Variants in VWDE observed in about 807,000 individuals in gnomAD.
VWDE encodes the protein von Willebrand factor D and EGF domains.
In VWDE, 207 loss-of-function variants were observed where a neutral mutation model predicts 178.4. The observed-to-expected ratio is 1.16, with a 90% CI of 1.04 to 1.30. The LOEUF is 1.30. Ranked by LOEUF, VWDE falls within the 50% of genes most tolerant of loss-of-function variation. VWDE has a pLI of 0.00. For synonymous variants in VWDE, 738 were observed against 651.4 expected (o/e 1.13, Z -2.02); for missense variants, 2,287 against 1,901.3 (o/e 1.20, Z -3.77).
In VWDE at chr7:12,361,160, G is replaced by T; in HGVS notation, c.3146C>A (p.Ser1049Ter). The T allele has an allele frequency of 6.5e-7, 1 of 1,530,542 alleles. No homozygotes were observed. The highest frequency in any genetic ancestry group is 1.2e-5 in the South Asian group (1 of 82,822). The allele number at this position is 1,530,542 out of a possible 1,614,324, so 94.8% of individuals were successfully genotyped here. ...AAAAATACATACCTTTATAGTACAT[G>T]AGTCATTTTTATAGAGACCACAAAC... ...CQVCGLYKND[S>*]CTIKENVCII... is the part of the protein sequence containing the mutation. Residue 1049 changes from serine to a stop codon, truncating the protein, a stop_gained, in exon 15 of 29, where the codon TCA becomes TAA. Coordinates refer to ENST00000275358, the MANE Select transcript of VWDE (RefSeq NM_001135924.3). LOFTEE classifies it high-confidence loss of function.
At chr7:12,333,785 T>C (rs1180194912) in intron 27 of VWDE, 1 of 370,684 alleles carries the variant, frequency 2.7e-6, no homozygotes, top group Non-Finnish European at 4.8e-6. Context: ...AAACAACACT[T>C]TTGGAATTCT....
At chr7:12,365,343 G>A (rs1265411889) in intron 13 of VWDE, among the ~76,000 whole-genome samples, 1 of 152,040 alleles carries the variant, frequency 6.6e-6, no homozygotes, top group Non-Finnish European at 1.5e-5. Flanking sequence ...AACTTTATGA[G>A]AAACTGGGTG....
At chr7:12,385,343 C>T (rs996063600) in intron 3 of VWDE, among the ~76,000 whole-genome samples, 9 of 152,138 alleles carry the variant, frequency 5.9e-5, no homozygotes, top group African/African-American at 1.9e-4. Flanking sequence ...TAAAAAATGA[C>T]ATTTCACAGA....
At chr7:12,402,700 A>G (rs903752649) in intron 1 of VWDE, among the ~76,000 whole-genome samples, 3 of 152,220 alleles carry the variant, frequency 2.0e-5, no homozygotes, top group African/African-American at 7.2e-5. Flanking sequence ...AGGACCAGAA[A>G]AAATATCATT....
intron 3 of VWDE, among the ~76,000 whole-genome samples, chr7:12,386,446 T>A (rs1550391): frequency 0.013 from 2,009 of 152,266 alleles, 54 homozygotes; most frequent in African/African-American, 0.044. Flanking sequence ...AGACTTCTCA[T>A]TGCACACAGA....
intron 13 of VWDE, among the ~76,000 whole-genome samples, chr7:12,362,452 A>G (rs544498865): frequency 2.0e-5 from 3 of 152,244 alleles, no homozygotes; most frequent in Middle Eastern, 3.4e-3. Context: ...GTGACACATT[A>G]TGCTTAAGCT....
chr7:12,389,220 G>C lies in VWDE; in HGVS notation c.382C>G (p.Leu128Val), dbSNP rs980282034. The C allele has an allele frequency of 1.4e-5, 21 of 1,551,750 alleles. No homozygotes were observed. The highest frequency in any genetic ancestry group is 3.3e-4 in the Middle Eastern group (2 of 5,994). The change falls in exon 3 of 29, where the codon CTC becomes GTC. Residue 128 changes from leucine (L) to valine (V), a missense_variant. Leu to Val is a conservative substitution (Grantham distance 32, BLOSUM62 1). Transcript: ENST00000275358. ...FLFSTTKDCC[L>V]FQIPVSVRNC... Reference sequence around the variant, plus strand: ...CTTACAGACACTGGGATTTGAAAGAGACAGCAGTCTTTTGTAGTGCTGAAC... The same window carrying C: ...CTTACAGACACTGGGATTTGAAAGACACAGCAGTCTTTTGTAGTGCTGAAC...
At chr7:12,363,929 T>C (rs1306277009) in intron 13 of VWDE, among the ~76,000 whole-genome samples, 1 of 152,090 alleles carries the variant, frequency 6.6e-6, no homozygotes, top group African/African-American at 2.4e-5. Flanking sequence ...TAACTCACTT[T>C]GGAAAGCAGT....
At chr7:12,390,518 A>G (rs1784337464) in intron 2 of VWDE, among the ~76,000 whole-genome samples, 2 of 151,852 alleles carry the variant, frequency 1.3e-5, no homozygotes. Context: ...GGAAAAACAT[A>G]AAGGAAATAT....
At chr7:12,375,623 C>A (rs982771054) in intron 7 of VWDE, among the ~76,000 whole-genome samples, 2 of 151,880 alleles carry the variant, frequency 1.3e-5, no homozygotes, top group African/African-American at 4.8e-5. Flanking sequence ...GGCCCAGATA[C>A]TTCTGTAATA....
intron 28 of VWDE, 76 bp from the exon 29 acceptor site, chr7:12,331,273 T>C: frequency 7.9e-7 from 1 of 1,259,990 alleles, no homozygotes; most frequent in Non-Finnish European, 1.1e-6. Context: ...ATTTGTTGCC[T>C]CCTTCCCTCT....
rs745863864 is a variant in VWDE at position 12,344,197 on chromosome 7, T to G, written c.4076A>C (p.Glu1359Ala). The change falls in exon 21 of 29, where the codon GAA becomes GCA. Residue 1359 changes from glutamate (E) to alanine (A), a missense_variant and splice_region_variant. Glu to Ala is a moderately radical substitution (Grantham distance 107). Coordinates refer to ENST00000275358, the MANE Select transcript of VWDE (RefSeq NM_001135924.3). ...TGATTTTTAATTTGAATTATCACCTTCATCACAGGTTGCTCCACCATGTCC... is the reference window on the plus strand; with the variant it reads ...TGATTTTTAATTTGAATTATCACCTGCATCACAGGTTGCTCCACCATGTCC... Reference protein sequence around the residue: ...LPGHGGATCDEEHCNPPCQHG... With the variant: ...LPGHGGATCDAEHCNPPCQHG... The G allele has an allele frequency of 7.7e-6, 12 of 1,550,486 alleles. No individual in the cohort carries two copies. Among genetic ancestry groups the G allele is most frequent in the Non-Finnish European group, 1.0e-5 (12 of 1,146,214 alleles).
chr7:12,397,776 G>A (rs1275354995), intron 1 of VWDE, among the ~76,000 whole-genome samples: 3 of 152,084 alleles, frequency 2.0e-5, no homozygotes, highest in East Asian at 1.9e-4. Context: ...CCTCTCAAAA[G>A]ATGACATACA....
rs1226691145 is a variant in VWDE at position 12,370,024 on chromosome 7, A to T, written c.2282T>A (p.Leu761Ter). The change falls in exon 12 of 29, where the codon TTG becomes TAG. Residue 761 changes from leucine (L) to a stop codon, truncating the protein, a stop_gained. Coordinates refer to ENST00000275358, the MANE Select transcript of VWDE (RefSeq NM_001135924.3). LOFTEE classifies it high-confidence loss of function. The stretch of plus-strand genomic sequence containing the variant: ...TTGGCTGAGACTCGGGAAAGCAAAC[A>T]AAGGAGGAAACTCATGAAAGTTCTG... ...KRQNFHEFPP[L>*]FAFPSLSQTD... 2 of 1,551,544 alleles carry T rather than the reference A, an allele frequency of 1.3e-6. No homozygotes were observed. Among genetic ancestry groups the T allele is most frequent in the Non-Finnish European group, 1.7e-6 (2 of 1,146,906 alleles).
At chr7:12,378,986 G>A (rs1007964450) in intron 6 of VWDE, among the ~76,000 whole-genome samples, 3 of 152,146 alleles carry the variant, frequency 2.0e-5, no homozygotes, top group African/African-American at 7.2e-5. Flanking sequence ...TGTCATCTCT[G>A]CTCATCTGCT....
chr7:12,335,976 A>G (rs1369422885), intron 27 of VWDE, among the ~76,000 whole-genome samples, 165 bp downstream of exon 27: 2 of 152,196 alleles, frequency 1.3e-5, no homozygotes, highest in African/African-American at 2.4e-5. Flanking sequence ...TTAAATGGAT[A>G]TAAAATTTAG....
chr7:12,403,763 C>A lies in VWDE; in HGVS notation c.-47G>T, dbSNP rs1342537725. 6.5e-7 allele frequency: 1 copy of A among 1,546,206 alleles called. No homozygotes were observed. The highest frequency in any genetic ancestry group is 8.7e-7 in the Non-Finnish European group (1 of 1,143,378). ...GAAAGGCGTCGCAGAGCCCGGGCCG[C>A]GGGTGCCAGGAGGATGGGGCCACAG... On this transcript the variant is annotated 5_prime_UTR_variant, in exon 1 of 29. Coordinates refer to ENST00000275358, the MANE Select transcript of VWDE (RefSeq NM_001135924.3).
At chr7:12,375,355 A>G (rs1583324579) in intron 7 of VWDE, 128 bp from the exon 8 acceptor site, 6 of 871,508 alleles carry the variant, frequency 6.9e-6, no homozygotes, top group Non-Finnish European at 1.0e-5. Flanking sequence ...TTCTTAAAAC[A>G]TATGGTTGCA....
At chr7:12,393,915 T>C in intron 1 of VWDE, 137 bp from the exon 2 acceptor site, 1 of 624,498 alleles carries the variant, frequency 1.6e-6, no homozygotes, top group Non-Finnish European at 2.5e-6. Context: ...CTCTGAAATG[T>C]CAGGGTCTCT....
Sources: allele counts gnomAD v4.1 joint callset (sites outside exome capture counted in the v4.1 genomes callset), GRCh38; gene constraint gnomAD v4.1.1; transcripts MANE v1.5; gene names NCBI Gene and HGNC (gene_info 2026-07-23, HGNC 2026-07-21).